The following TADA1 variants were observed in gnomAD, a reference collection of about 807,000 sequenced individuals.
The protein encoded by TADA1 is transcriptional adapter 1.
TADA1 carries 23 observed loss-of-function variants against 39.3 expected under a neutral mutation model. That is an observed-to-expected ratio of 0.58 (90% confidence interval 0.42 to 0.83). TADA1 has a LOEUF of 0.83. TADA1 is among the 40% of genes least tolerant of loss of function. TADA1 has a pLI of 0.00. For synonymous variants in TADA1, 137 were observed against 151.8 expected (o/e 0.90, Z 0.72); for missense variants, 352 against 408.1 (o/e 0.86, Z 1.18).
chr1:166,861,929 G>A (rs534226483), intron 5 of TADA1, among the ~76,000 whole-genome samples: 26 of 151,916 alleles, frequency 1.7e-4, no homozygotes, highest in African/African-American at 5.6e-4. Context: ...GTATGGTGGC[G>A]CACGTCTATA....
chr1:166,862,510 C>A, intron 4 of TADA1, 98 bp from the exon 5 acceptor site: 1 of 929,810 alleles, frequency 1.1e-6, no homozygotes, highest in Non-Finnish European at 1.7e-6. Context: ...CAAATTAATG[C>A]CACCAAAACT....
At chr1:166,869,975 G>A in intron 1 of TADA1, 121 bp from the exon 2 acceptor site, 1 of 750,220 alleles carries the variant, frequency 1.3e-6, no homozygotes, top group South Asian at 1.8e-5. Flanking sequence ...GAGTGCAGGG[G>A]AACAATCAGA....
At chr1:166,875,313 T>C (rs1331334152) in intron 1 of TADA1, among the ~76,000 whole-genome samples, 1 of 152,206 alleles carries the variant, frequency 6.6e-6, no homozygotes, top group Admixed American at 6.5e-5. Flanking sequence ...GGATACTGAT[T>C]TTACCCTTGG....
At chr1:166,864,603 T>G (rs1328690997) in intron 3 of TADA1, among the ~76,000 whole-genome samples, 1 of 152,086 alleles carries the variant, frequency 6.6e-6, no homozygotes, top group Non-Finnish European at 1.5e-5. Flanking sequence ...ACAAACCCAT[T>G]CACTCACCCC....
At position 166,868,288 on chromosome 1, in the gene TADA1, C is replaced by G. The variant is rs369610436; in HGVS notation, c.232+1157G>C. Among the ~76,000 whole-genome samples the G allele has an allele frequency of 3.3e-5, 5 of 152,296 alleles. No homozygotes were observed. The East Asian group carries it at 7.7e-4, about 23-fold the overall frequency. On this transcript the variant is annotated intron_variant, in intron 3 of 7. Transcript: ENST00000367874. Reference sequence around the variant, plus strand: ...GACAGGTTTCGTTTCCACCTACCCCCTCAACATGCTACTATCCCCTACCTC... The same window carrying G: ...GACAGGTTTCGTTTCCACCTACCCCGTCAACATGCTACTATCCCCTACCTC...
chr1:166,857,265 A>G lies in TADA1; in HGVS notation c.*302T>C, dbSNP rs148034046. The G allele has an allele frequency of 2.9e-3, 848 of 288,270 alleles. 3 individuals carry two copies. Among genetic ancestry groups the G allele is most frequent in the Non-Finnish European group, 4.0e-3 (623 of 154,914 alleles). The allele number at this position is 288,270 out of a possible 1,614,324, so 17.9% of individuals were successfully genotyped here. A position where few individuals can be genotyped will look rare whatever the true frequency, so the allele number is the denominator to read the frequency against. ...GCTTCTTTGTTCTAGGATGTCATCT[A>G]TCTTACATGCAGACCACAGGACACT... On this transcript the variant is annotated 3_prime_UTR_variant, in exon 8 of 8. Coordinates refer to ENST00000367874, the MANE Select transcript of TADA1 (RefSeq NM_053053.4).
intron 3 of TADA1, 26 bp downstream of exon 3, chr1:166,869,419 C>T (rs200843030): frequency 6.3e-7 from 1 of 1,590,676 alleles, no homozygotes; most frequent in Non-Finnish European, 8.6e-7. Context: ...GACTTACACA[C>T]ACTGGAAGTA....
chr1:166,868,608 A>G (rs959587941), intron 3 of TADA1: 7 of 152,334 alleles, frequency 4.6e-5, no homozygotes, highest in Admixed American at 6.5e-5. Flanking sequence ...TCAAAAGGTA[A>G]TATAAGTACA....
chr1:166,863,539 C>T (rs1398970027), intron 4 of TADA1, among the ~76,000 whole-genome samples: 1 of 152,162 alleles, frequency 6.6e-6, no homozygotes. Context: ...AAACATTATT[C>T]ATTCAAGAAA....
intron 1 of TADA1, 33 bp downstream of exon 1, chr1:166,876,127 T>G: frequency 6.3e-7 from 1 of 1,589,854 alleles, no homozygotes; most frequent in Non-Finnish European, 8.6e-7. Flanking sequence ...CACCCGCGTG[T>G]TGGCCTGGAC....
chr1:166,866,300 T>C (rs1658533395), intron 3 of TADA1, among the ~76,000 whole-genome samples: 1 of 152,232 alleles, frequency 6.6e-6, no homozygotes, highest in Non-Finnish European at 1.5e-5. Flanking sequence ...GGCAAGTTTT[T>C]CTTTTGTTTT....
chr1:166,864,582 A>T (rs1658487956), intron 3 of TADA1, among the ~76,000 whole-genome samples: 1 of 152,234 alleles, frequency 6.6e-6, no homozygotes, highest in African/African-American at 2.4e-5. Flanking sequence ...CTATATCCTT[A>T]AATCATCCAC....
chr1:166,865,587 G>A (rs948926346), intron 3 of TADA1, among the ~76,000 whole-genome samples: 1 of 152,072 alleles, frequency 6.6e-6, no homozygotes, highest in Non-Finnish European at 1.5e-5. Context: ...GCCGAGGCGG[G>A]CAGATCACGA....
chr1:166,869,302 G>A, intron 3 of TADA1, 143 bp downstream of exon 3: 4 of 498,094 alleles, frequency 8.0e-6, no homozygotes, highest in Non-Finnish European at 1.1e-5. Context: ...TTCTGTAAAA[G>A]AATTTGTATC....
chr1:166,870,580 C>A (rs1043189606), intron 1 of TADA1, among the ~76,000 whole-genome samples: 3 of 152,228 alleles, frequency 2.0e-5, no homozygotes, highest in African/African-American at 7.2e-5. Flanking sequence ...GTAGTCCCAG[C>A]ACTTTGGGAG....
At chr1:166,864,664 T>C (rs1658489130) in intron 3 of TADA1, among the ~76,000 whole-genome samples, 1 of 152,120 alleles carries the variant, frequency 6.6e-6, no homozygotes, top group Admixed American at 6.5e-5. Flanking sequence ...TGTTTAAAAA[T>C]TAAGAATTTC....
Position 166,863,858 on chromosome 1 carries a change from T to C in TADA1, c.296A>G (p.Lys99Arg), listed in dbSNP as rs757238514. Residue 99 changes from lysine to arginine, a missense_variant, in exon 4 of 8, where the codon AAG (lysine) becomes AGG (arginine). Lys to Arg is a conservative substitution (Grantham distance 26, BLOSUM62 2). Transcript: ENST00000367874. ...CTGACGAACAGAAGAAAGCTTTTTC[T>C]TTCCCTTGGGTTTTCCAGGTTTTGC... ...SAAKPGKPKG[K>R]KKLSSVRQKF... 11 of 1,612,474 alleles carry C rather than the reference T, an allele frequency of 6.8e-6. No individual in the cohort carries two copies. Among genetic ancestry groups the C allele is most frequent in the Non-Finnish European group, 9.3e-6 (11 of 1,179,686 alleles).
chr1:166,872,030 G>A (rs2101796370), intron 1 of TADA1, among the ~76,000 whole-genome samples: 1 of 152,318 alleles, frequency 6.6e-6, no homozygotes. Context: ...TTAGCCCAAA[G>A]AGCTAGAACT....
rs1251247806 is a variant in TADA1, at chr1:166,862,362, T to G, written c.381A>C (p.Ala127=). Residue 127 remains alanine, a synonymous_variant, in exon 5 of 8, where the codon GCA becomes GCC. Transcript: ENST00000367874. ...AGTCGTCATCATCTTGGGGATCCTT[T>G]GCCACAAATTGCTGGGCTCCTGAGA... is the stretch of plus-strand genomic sequence containing the variant. ...NPLSGAQQFV[A]KDPQDDDDLK... is the part of the protein sequence containing the mutation. 1.9e-6 allele frequency: 3 copies of G among 1,614,226 alleles called. No individual in the cohort carries two copies.
Sources: gnomAD v4.1 joint callset for allele counts (sites outside exome capture counted in the v4.1 genomes callset) on GRCh38, gnomAD v4.1.1 for gene constraint, MANE v1.5 for transcripts, NCBI Gene and HGNC (gene_info 2026-07-23, HGNC 2026-07-21) for gene names.